The following B3GNT4 variants were observed in gnomAD, a reference collection of about 807,000 sequenced individuals.
B3GNT4 encodes the protein UDP-GlcNAc:betaGal beta-1,3-N-acetylglucosaminyltransferase 4.
Under a neutral mutation model 2.7 loss-of-function variants are expected in B3GNT4, and 2 were observed. The ratio of observed to expected loss-of-function variants is 0.73; its 90% CI spans 0.30 to 2.31. The LOEUF is 2.31. B3GNT4 is among the 30% of genes most tolerant of loss of function. B3GNT4 has a pLI of 0.12. For synonymous variants in B3GNT4, 280 were observed against 203.4 expected (o/e 1.38, Z -3.20); for missense variants, 708 against 490.9 (o/e 1.44, Z -4.18).
At position 122,208,308 on chromosome 12, in the gene B3GNT4, C is replaced by T; in HGVS notation, c.*920C>T. 2.5e-6 allele frequency: 4 copies of T among 1,569,978 alleles called. No individual in the cohort carries two copies. The South Asian group carries it at 3.3e-5, about 13-fold the overall frequency. Reference sequence around the variant, plus strand: ...CTTCTCGGTGCACAGACAGTCATGCCAACCCTGGGCAGGGTGGCATCTGCC... The same window carrying T: ...CTTCTCGGTGCACAGACAGTCATGCTAACCCTGGGCAGGGTGGCATCTGCC... On this transcript the variant is annotated 3_prime_UTR_variant, in exon 3 of 3. Coordinates refer to ENST00000324189, the MANE Select transcript of B3GNT4 (RefSeq NM_030765.4).
rs1016952139 is a variant in B3GNT4, at chr12:122,207,602, G to A, written c.*214G>A. ...TAGCAAATGCTGCCAGGAACCTGTCGGGGCATTCCGGGCGCTGCCTGGGGC... is the reference window on the plus strand; with the variant it reads ...TAGCAAATGCTGCCAGGAACCTGTCAGGGCATTCCGGGCGCTGCCTGGGGC... On this transcript the variant is annotated 3_prime_UTR_variant, in exon 3 of 3. Transcript: ENST00000324189. 1.7e-5 allele frequency: 11 copies of A among 636,724 alleles called. No individual in the cohort carries two copies. Among genetic ancestry groups the A allele is most frequent in the East Asian group, 1.7e-4 (6 of 36,066 alleles). 39.4% of individuals were successfully genotyped at this position (636,724 alleles called of 1,614,324 possible).
chr12:122,206,540 T>C lies in B3GNT4; in HGVS notation c.289T>C (p.Leu97=). The stretch of plus-strand genomic sequence containing the variant: ...CCTGCCTAGCCGTCACCGTCTCTTC[T>C]TGACCTATCGTCACTGCCGAAATTT... ...LSLPSRHRLF[L]TYRHCRNFSI... The change falls in exon 3 of 3, where the codon TTG becomes CTG. Residue 97 remains leucine (L), a synonymous_variant. Transcript: ENST00000324189. 1 of 1,614,212 alleles carries C rather than the reference T, an allele frequency of 6.2e-7. No homozygotes were observed. Among genetic ancestry groups the C allele is most frequent in the Non-Finnish European group, 8.5e-7 (1 of 1,180,020 alleles).
Position 122,206,633 on chromosome 12 carries a change from C to G in B3GNT4, c.382C>G (p.Pro128Ala). 6.2e-7 allele frequency: 1 copy of G among 1,614,032 alleles called. No individual in the cohort carries two copies. The highest frequency in any genetic ancestry group is 8.5e-7 in the Non-Finnish European group (1 of 1,180,020). The change falls in exon 3 of 3, where the codon CCT (proline) becomes GCT (alanine). Residue 128 changes from proline (P) to alanine (A), a missense_variant. Physicochemically the swap from Pro to Ala is conservative, Grantham distance 27 (BLOSUM62 -1). Transcript: ENST00000324189. ...CTTGCTCCTGGCCATCAAGTCACAGCCTGGTCACGTGGAGCGACGTGCGGC... is the reference window on the plus strand; with the variant it reads ...CTTGCTCCTGGCCATCAAGTCACAGGCTGGTCACGTGGAGCGACGTGCGGC... ...TFLLLAIKSQ[P>A]GHVERRAAIR...
intron 1 of B3GNT4, 47 bp from the exon 2 acceptor site, chr12:122,204,475 C>T (rs981024432): frequency 2.9e-5 from 21 of 733,278 alleles, no homozygotes; most frequent in Non-Finnish European, 4.6e-5. Flanking sequence ...GCTGTGCGCC[C>T]TTCTCGGTGA....
In B3GNT4 at chr12:122,207,314, G is replaced by C; in HGVS notation, c.1063G>C (p.Glu355Gln). 6.2e-7 allele frequency: 1 copy of C among 1,612,440 alleles called. No homozygotes were observed. Among genetic ancestry groups the C allele is most frequent in the Non-Finnish European group, 8.5e-7 (1 of 1,179,090 alleles). ...LLLVHRLSPL[E>Q]MWTMWALVTD... Reference sequence around the variant, plus strand: ...GCTGGTTCACCGCCTCAGCCCCCTCGAGATGTGGACCATGTGGGCACTGGT... The same window carrying C: ...GCTGGTTCACCGCCTCAGCCCCCTCCAGATGTGGACCATGTGGGCACTGGT... The change falls in exon 3 of 3, where the codon GAG (glutamate) becomes CAG (glutamine). Residue 355 changes from glutamate to glutamine, a missense_variant. Coordinates refer to ENST00000324189, the MANE Select transcript of B3GNT4 (RefSeq NM_030765.4).
Position 122,207,293 on chromosome 12 carries a change from G to T in B3GNT4, c.1042G>T (p.Val348Phe), listed in dbSNP as rs752493333. The T allele has an allele frequency of 1.2e-6, 2 of 1,613,892 alleles. No homozygotes were observed. The highest frequency in any genetic ancestry group is 3.3e-5 in the Admixed American group (2 of 59,988). Residue 348 changes from valine (V) to phenylalanine (F), a missense_variant, in exon 3 of 3, where the codon GTT becomes TTT. Coordinates refer to ENST00000324189, the MANE Select transcript of B3GNT4 (RefSeq NM_030765.4). ...DPCLYRGLLL[V>F]HRLSPLEMWT... ...CTGCCTGTATAGGGGGCTCCTGCTG[G>T]TTCACCGCCTCAGCCCCCTCGAGAT...
intron 2 of B3GNT4, 76 bp downstream of exon 2, chr12:122,204,760 C>T: frequency 7.4e-7 from 1 of 1,344,978 alleles, no homozygotes; most frequent in Admixed American, 1.9e-5. Flanking sequence ...GCTCAGAAAA[C>T]TCTGGCCGGT....
In B3GNT4 at chr12:122,206,729, G is replaced by C. The variant is rs1243403860; in HGVS notation, c.478G>C (p.Gly160Arg). The change falls in exon 3 of 3, where the codon GGG becomes CGG. Residue 160 changes from glycine to arginine, a missense_variant. By Grantham distance (125) the Gly-to-Arg change is moderately radical (BLOSUM62 -2). Transcript: ENST00000324189. ...GCAGCTGAAGCTGGTGTTCCTCCTA[G>C]GGGTGGCAGGATCCGCTCCCCCAGC... ...GRQLKLVFLL[G>R]VAGSAPPAQL... 5.6e-6 allele frequency: 9 copies of C among 1,607,956 alleles called. No individual in the cohort carries two copies. Among genetic ancestry groups the C allele is most frequent in the South Asian group, 4.4e-5 (4 of 90,678 alleles).
At chr12:122,204,712 A>AC in intron 2 of B3GNT4, 28 bp downstream of exon 2, 1 of 1,574,402 alleles carries the variant, frequency 6.4e-7, no homozygotes. Flanking sequence ...CCTCTGCCAG[A>AC]CCCCCTTGTC....
chr12:122,204,753 C>T (rs1216937008), intron 2 of B3GNT4, 69 bp downstream of exon 2: 9 of 1,379,662 alleles, frequency 6.5e-6, no homozygotes, highest in Non-Finnish European at 8.1e-6. Flanking sequence ...CCAGGGGGCT[C>T]AGAAAACTCT....
chr12:122,205,957 A>T (rs1199825884), intron 2 of B3GNT4: 7 of 244,128 alleles, frequency 2.9e-5, no homozygotes, highest in Non-Finnish European at 5.4e-5. Flanking sequence ...TTCCACACTT[A>T]GTGAATTTGA....
At position 122,206,666 on chromosome 12, in the gene B3GNT4, A is replaced by C. The variant is rs1386293021; in HGVS notation, c.415A>C (p.Ser139Arg). 1.5e-5 allele frequency: 24 copies of C among 1,613,486 alleles called. No homozygotes were observed. Among genetic ancestry groups the C allele is most frequent in the Non-Finnish European group, 1.9e-5 (22 of 1,179,890 alleles). ...CGTGGAGCGACGTGCGGCTATCCGC[A>C]GCACGTGGGGCAGGGTGGGGGGATG... ...GHVERRAAIR[S>R]TWGRVGGWAR... The change falls in exon 3 of 3, where the codon AGC becomes CGC. Residue 139 changes from serine (S) to arginine (R), a missense_variant. Coordinates refer to ENST00000324189, the MANE Select transcript of B3GNT4 (RefSeq NM_030765.4).
chr12:122,204,411 C>T, intron 1 of B3GNT4, 111 bp from the exon 2 acceptor site: 1 of 535,562 alleles, frequency 1.9e-6, no homozygotes, highest in Non-Finnish European at 3.3e-6. Flanking sequence ...CAGGGGCCAC[C>T]CGGGCCGCGG....
chr12:122,206,944 C>T lies in B3GNT4; in HGVS notation c.693C>T (p.Phe231=). The part of the protein sequence containing the change: ...VFVHVPNVLE[F]LDGWDPAQDL... ...TCCACGTCCCCAACGTGTTAGAGTT[C>T]CTGGATGGCTGGGACCCAGCCCAGG... Residue 231 remains phenylalanine, a synonymous_variant, in exon 3 of 3, where the codon TTC becomes TTT. Transcript: ENST00000324189. 1 of 1,614,084 alleles carries T rather than the reference C, an allele frequency of 6.2e-7. No homozygotes were observed. Among genetic ancestry groups the T allele is most frequent in the Non-Finnish European group, 8.5e-7 (1 of 1,180,016 alleles).
chr12:122,204,687 C>T lies in B3GNT4; in HGVS notation c.66+3C>T, dbSNP rs374352251. On this transcript the variant is annotated splice_donor_region_variant and intron_variant, in intron 2 of 2. Coordinates refer to ENST00000324189, the MANE Select transcript of B3GNT4 (RefSeq NM_030765.4). ...GTAGGAGTGGCCTTTTACCAAAGGT[C>T]AGATTCTTTCACCGCCTCTGCCAGA... The T allele has an allele frequency of 6.2e-7, 1 of 1,606,208 alleles. No homozygotes were observed. The highest frequency in any genetic ancestry group is 1.1e-5 in the South Asian group (1 of 90,842).
At position 122,208,278 on chromosome 12, in the gene B3GNT4, CG is replaced by C; in HGVS notation, c.*891del. ...CCTGATTGGCCAGGGCAGGATCTGCCGCCTCTTCTCGGTGCACAGACAGTCA... is the reference window on the plus strand; with the variant it reads ...CCTGATTGGCCAGGGCAGGATCTGCCCCTCTTCTCGGTGCACAGACAGTCA... On this transcript the variant is annotated 3_prime_UTR_variant, in exon 3 of 3. Transcript: ENST00000324189. 1 of 1,399,346 alleles carries C rather than the reference CG, an allele frequency of 7.1e-7. No individual in the cohort carries two copies. The highest frequency in any genetic ancestry group is 1.0e-6 in the Non-Finnish European group (1 of 1,002,080). The allele number at this position is 1,399,346 out of a possible 1,614,324, so 86.7% of individuals were successfully genotyped here. A position where few individuals can be genotyped will look rare whatever the true frequency, so the allele number is the denominator to read the frequency against.
chr12:122,204,564 C>T lies in B3GNT4; in HGVS notation c.-55C>T. On this transcript the variant is annotated 5_prime_UTR_variant, in exon 2 of 3. Coordinates refer to ENST00000324189, the MANE Select transcript of B3GNT4 (RefSeq NM_030765.4). ...CCTGAGACTCATCTCGCTTCGACCC[C>T]GCCGCCGCCGCCGCCCGGCATCCTG... 10 of 1,370,592 alleles carry T rather than the reference C, an allele frequency of 7.3e-6. No individual in the cohort carries two copies. The highest frequency in any genetic ancestry group is 1.9e-4 in the Middle Eastern group (1 of 5,312). 84.9% of individuals were successfully genotyped at this position (1,370,592 alleles called of 1,614,324 possible).
Position 122,206,570 on chromosome 12 carries a change from A to G in B3GNT4, c.319A>G (p.Ile107Val). ...CTATCGTCACTGCCGAAATTTCTCT[A>G]TCTTGCTGGAGCCTTCAGGCTGTTC... ...LTYRHCRNFSILLEPSGCSKD... is the reference protein window; with the variant it reads ...LTYRHCRNFSVLLEPSGCSKD... Residue 107 changes from isoleucine to valine, a missense_variant, in exon 3 of 3, where the codon ATC becomes GTC. Transcript: ENST00000324189. 1.2e-6 allele frequency: 2 copies of G among 1,614,080 alleles called. No individual in the cohort carries two copies. Among genetic ancestry groups the G allele is most frequent in the Non-Finnish European group, 1.7e-6 (2 of 1,180,022 alleles).
At position 122,207,478 on chromosome 12, in the gene B3GNT4, C is replaced by A; in HGVS notation, c.*90C>A. Reference sequence around the variant, plus strand: ...GATGCCTGCTGCTCTACAGAAAATGCCAACTTGGTTTTTTAACTCCTCTCA... The same window carrying A: ...GATGCCTGCTGCTCTACAGAAAATGACAACTTGGTTTTTTAACTCCTCTCA... On this transcript the variant is annotated 3_prime_UTR_variant, in exon 3 of 3. Coordinates refer to ENST00000324189, the MANE Select transcript of B3GNT4 (RefSeq NM_030765.4). 1 of 1,278,744 alleles carries A rather than the reference C, an allele frequency of 7.8e-7. No homozygotes were observed. The highest frequency in any genetic ancestry group is 1.0e-6 in the Non-Finnish European group (1 of 954,004). The allele number at this position is 1,278,744 out of a possible 1,614,324, so 79.2% of individuals were successfully genotyped here.
Sources: allele counts gnomAD v4.1 joint callset, GRCh38; gene constraint gnomAD v4.1.1; transcripts MANE v1.5; gene names NCBI Gene and HGNC (gene_info 2026-07-23, HGNC 2026-07-21).